The following MICU1 variants were observed in gnomAD, a reference collection of about 807,000 sequenced individuals.
MICU1 encodes mitochondrial calcium uptake 1.
In MICU1, 45 loss-of-function variants were observed where a neutral mutation model predicts 56.8. The ratio of observed to expected loss-of-function variants is 0.79; its 90% CI spans 0.62 to 1.02. The LOEUF (loss-of-function observed/expected upper bound fraction) is 1.02, where lower values mean the gene tolerates loss of function less well. Ranked by LOEUF, MICU1 falls within the 50% of genes least tolerant of loss-of-function variation. The pLI is 0.00. For missense variants in MICU1, 504 were observed against 587.1 expected (o/e 0.86, Z 1.46); for synonymous variants, 186 against 195.1 (o/e 0.95, Z 0.39).
intron 1 of MICU1, among the ~76,000 whole-genome samples, chr10:72,602,268 T>A (rs1403749007): frequency 6.6e-6 from 1 of 151,286 alleles, no homozygotes; most frequent in Admixed American, 6.6e-5. Flanking sequence ...CTGGCCAATA[T>A]GGTGAAACCC....
chr10:72,501,444 T>A (rs1867064268), intron 6 of MICU1, among the ~76,000 whole-genome samples: 2 of 151,622 alleles, frequency 1.3e-5, no homozygotes, highest in Admixed American at 6.6e-5. Flanking sequence ...TTTTTTTTTT[T>A]AATAAAATGA....
intron 8 of MICU1, among the ~76,000 whole-genome samples, chr10:72,458,938 A>G (rs1564882169): frequency 7.1e-6 from 1 of 141,448 alleles, no homozygotes; most frequent in Non-Finnish European, 1.5e-5. Context: ...TATGTTGCCC[A>G]GGCTGGTCTC....
At chr10:72,532,816 C>T in intron 5 of MICU1, 1 of 982,088 alleles carries the variant, frequency 1.0e-6, no homozygotes. Context: ...TGAGATCTCT[C>T]CCAAATCTTA....
At chr10:72,546,489 C>T (rs1264141325) in intron 4 of MICU1, among the ~76,000 whole-genome samples, 4 of 152,106 alleles carry the variant, frequency 2.6e-5, no homozygotes, top group African/African-American at 9.7e-5. Context: ...CATCACTTAC[C>T]TTTTTCTGTC....
In MICU1 at chr10:72,524,809, C is replaced by A; in HGVS notation, c.537+8937G>T. The A allele has an allele frequency of 2.9e-6, 3 of 1,020,454 alleles. No homozygotes were observed. In the South Asian group the frequency reaches 1.5e-4, roughly 51 times the overall value. 63.2% of individuals were successfully genotyped at this position (1,020,454 alleles called of 1,614,324 possible). On this transcript the variant is annotated intron_variant, in intron 5 of 11. Coordinates refer to ENST00000361114, the MANE Select transcript of MICU1 (RefSeq NM_001195518.2). The stretch of plus-strand genomic sequence containing the variant: ...TGTTTGATTATATGAACAAACTAAT[C>A]AAATATACATATCACAAAACATAAT...
At chr10:72,605,722 C>G (rs1203923008) in intron 1 of MICU1, among the ~76,000 whole-genome samples, 1 of 152,200 alleles carries the variant, frequency 6.6e-6, no homozygotes, top group Admixed American at 6.5e-5. Flanking sequence ...AGGTTATACG[C>G]AAATAGTACA....
chr10:72,552,711 C>T (rs993822846), intron 3 of MICU1, among the ~76,000 whole-genome samples: 8 of 152,210 alleles, frequency 5.3e-5, no homozygotes, highest in African/African-American at 1.2e-4. Flanking sequence ...CCGGCCATCA[C>T]GCCCGGCTAA....
chr10:72,477,052 T>C, intron 7 of MICU1, 122 bp downstream of exon 7: 1 of 600,258 alleles, frequency 1.7e-6, no homozygotes, highest in Non-Finnish European at 2.7e-6. Flanking sequence ...AATGACATTT[T>C]AGGTACTTCA....
chr10:72,381,366 A>G (rs1485910516), intron 10 of MICU1, among the ~76,000 whole-genome samples: 1 of 152,212 alleles, frequency 6.6e-6, no homozygotes, highest in Non-Finnish European at 1.5e-5. Flanking sequence ...GTCCATCCCT[A>G]GATGGCTTTG....
At chr10:72,461,894 G>A in intron 8 of MICU1, among the ~76,000 whole-genome samples, 1 of 152,180 alleles carries the variant, frequency 6.6e-6, no homozygotes, top group Non-Finnish European at 1.5e-5. Context: ...AGGTTGCAGT[G>A]AGCCGAGATC....
chr10:72,485,028 C>G (rs1218102516), intron 6 of MICU1, among the ~76,000 whole-genome samples: 1 of 152,108 alleles, frequency 6.6e-6, no homozygotes, highest in Non-Finnish European at 1.5e-5. Context: ...GACATTATCA[C>G]CCACAAGCCT....
intron 9 of MICU1, 62 bp from the exon 10 acceptor site, chr10:72,408,099 T>C (rs929754176): frequency 3.2e-5 from 31 of 973,466 alleles, no homozygotes; most frequent in Non-Finnish European, 4.3e-5. Flanking sequence ...ACGATATGCA[T>C]AGGCAGTGAT....
At chr10:72,429,444 A>T (rs1198264832) in intron 8 of MICU1, among the ~76,000 whole-genome samples, 1 of 151,846 alleles carries the variant, frequency 6.6e-6, no homozygotes, top group African/African-American at 2.4e-5. Flanking sequence ...AAGAAAAAAA[A>T]TTCAATAAAT....
At position 72,369,022 on chromosome 10, in the gene MICU1, T is replaced by C. The variant is rs1862238540; in HGVS notation, c.1271-667A>G. Among the ~76,000 whole-genome samples, 4 of 152,002 alleles carry C rather than the reference T, an allele frequency of 2.6e-5. No homozygotes were observed. The South Asian group carries it at 8.3e-4, about 31-fold the overall frequency. ...GCTGAGTGTGGTGGCTTGTGCTTGA[T>C]TTCCTAGCTACTTGGGAGGCTGAGG... On this transcript the variant is annotated intron_variant, in intron 11 of 11. Transcript: ENST00000361114.
At chr10:72,477,454 AG>A in intron 6 of MICU1, 198 bp from the exon 7 acceptor site, 1 of 1,476,066 alleles carries the variant, frequency 6.8e-7, no homozygotes, top group Non-Finnish European at 9.2e-7. Context: ...AAACCAAAAA[AG>A]AGTAGTACTA....
At chr10:72,398,938 T>C (rs1368775273) in intron 10 of MICU1, among the ~76,000 whole-genome samples, 1 of 152,198 alleles carries the variant, frequency 6.6e-6, no homozygotes, top group African/African-American at 2.4e-5. Flanking sequence ...CCCTAACTCA[T>C]TTTATGAGGC....
chr10:72,527,744 T>C (rs1235566660), intron 5 of MICU1, among the ~76,000 whole-genome samples: 1 of 152,106 alleles, frequency 6.6e-6, no homozygotes, highest in Non-Finnish European at 1.5e-5. Flanking sequence ...GCCTGGAACA[T>C]AATAAGCACT....
intron 10 of MICU1, among the ~76,000 whole-genome samples, chr10:72,397,047 C>T (rs1337368284): frequency 2.0e-5 from 3 of 152,124 alleles, no homozygotes; most frequent in African/African-American, 7.2e-5. Context: ...GTCGAGTTAC[C>T]CACAAAGGGA....
At chr10:72,518,872 G>A (rs1013087899) in intron 5 of MICU1, among the ~76,000 whole-genome samples, 1 of 152,088 alleles carries the variant, frequency 6.6e-6, no homozygotes, top group East Asian at 1.9e-4. Flanking sequence ...GTAAAGACAG[G>A]GTTTCACCAT....
Sources: allele counts gnomAD v4.1 joint callset (sites outside exome capture counted in the v4.1 genomes callset), GRCh38; gene constraint gnomAD v4.1.1; transcripts MANE v1.5; gene names NCBI Gene and HGNC (gene_info 2026-07-23, HGNC 2026-07-21).